FANCA: variants seen among roughly 807,000 people sequenced by gnomAD.
FANCA encodes FA complementation group A, also known as Fanconi anemia group A protein.
Under a neutral mutation model 194.3 loss-of-function variants are expected in FANCA, and 236 were observed. That is an observed-to-expected ratio of 1.21 (90% CI 1.09 to 1.35). FANCA has a LOEUF of 1.35. Ranked by LOEUF, FANCA falls within the 40% of genes most tolerant of loss-of-function variation. The probability of loss-of-function intolerance (pLI) is 0.00; values close to 1 mark genes in which losing one functional copy is unlikely to be tolerated. For synonymous variants in FANCA, 1,014 were observed against 715.8 expected, an observed-to-expected ratio of 1.42 and a Z score of -6.65; for missense variants, 2,628 against 1,813.9, an observed-to-expected ratio of 1.45 and a Z score of -8.15.
intron 8 of FANCA, among the ~76,000 whole-genome samples, chr16:89,801,451 C>A (rs2040451148): frequency 6.6e-6 from 1 of 151,048 alleles, no homozygotes. Flanking sequence ...ATCAAGAAAA[C>A]AAAAAATAAC....
At chr16:89,746,746 G>C in intron 34 of FANCA, 58 bp from the exon 35 acceptor site, 3 of 1,599,786 alleles carry the variant, frequency 1.9e-6, no homozygotes, top group South Asian at 1.1e-5. Flanking sequence ...AACTAGTAGA[G>C]TGAAGGAACT....
At position 89,740,825 on chromosome 16, in the gene FANCA, C is replaced by A. The variant is rs11649210; in HGVS notation, c.3807G>T (p.Leu1269=). ...FLFFFSLMGL[L]SSHLTSNSTT... ...TTACATTTGAGGTCAGATGTGACGA[C>A]AGCAGGCCCATCAAGGAGAAGAAGA... The change falls in exon 38 of 43, where the codon CTG becomes CTT. Residue 1269 remains leucine, a synonymous_variant. Transcript: ENST00000389301. 6.2e-7 allele frequency: 1 copy of A among 1,613,324 alleles called. No homozygotes were observed. The highest frequency in any genetic ancestry group is 1.3e-5 in the African/African-American group (1 of 74,872).
rs12599846 is a variant in FANCA, at chr16:89,752,500, C to T, written c.2982-278G>A. ...GCACCAAGGCAAGAGACAGAGGACA[C>T]GAGCTGTTCCAGTATAATAAAATAT... On this transcript the variant is annotated intron_variant, in intron 30 of 42. Transcript: ENST00000389301. 0.06 allele frequency among the ~76,000 whole-genome samples: 9,089 copies of T among 152,246 alleles called. 417 individuals are homozygous for T. Among genetic ancestry groups the T allele is most frequent in the East Asian group, 0.22 (1,124 of 5,184 alleles).
chr16:89,802,554 A>G (rs373781895), intron 8 of FANCA, among the ~76,000 whole-genome samples: 1 of 152,020 alleles, frequency 6.6e-6, no homozygotes, highest in Admixed American at 6.6e-5. Context: ...GGTGCCTGCC[A>G]CCAGGCCCGG....
intron 6 of FANCA, among the ~76,000 whole-genome samples, chr16:89,806,493 G>A (rs1296920990): frequency 6.6e-6 from 1 of 151,798 alleles, no homozygotes; most frequent in Non-Finnish European, 1.5e-5. Flanking sequence ...AGAGGACCCT[G>A]AGGCCTTCTG....
chr16:89,792,806 C>A, intron 11 of FANCA: 1 of 424,040 alleles, frequency 2.4e-6, no homozygotes, highest in Non-Finnish European at 4.5e-6. Context: ...GCAAAAGGGG[C>A]AGGGTAAAGA....
intron 13 of FANCA, 138 bp downstream of exon 13, chr16:89,791,789 T>A: frequency 8.7e-7 from 1 of 1,155,350 alleles, no homozygotes. Context: ...GAATGTTCCA[T>A]CGACAGGAGG....
intron 11 of FANCA, 56 bp from the exon 12 acceptor site, chr16:89,792,603 T>A (rs1444036242): frequency 6.6e-7 from 1 of 1,520,448 alleles, no homozygotes; most frequent in East Asian, 2.6e-5. Flanking sequence ...AGTTGTGGGT[T>A]TTTGTTAAGG....
intron 33 of FANCA, among the ~76,000 whole-genome samples, chr16:89,747,496 C>G (rs1263618753): frequency 6.6e-6 from 1 of 152,140 alleles, no homozygotes; most frequent in African/African-American, 2.4e-5. Flanking sequence ...GTCAGGAGTT[C>G]AAGACCAGAC....
At position 89,740,075 on chromosome 16, in the gene FANCA, A is replaced by G. The variant is rs1470679036; in HGVS notation, c.3853T>C (p.Phe1285Leu). 6 of 1,614,188 alleles carry G rather than the reference A, an allele frequency of 3.7e-6. No homozygotes were observed. The highest frequency in any genetic ancestry group is 5.1e-6 in the Non-Finnish European group (6 of 1,180,032). ...SNSTTDLPKA[F>L]HVCAAILECL... ...TCGAGGATTGCTGCACAAACGTGGA[A>G]AGCCTTTGGCAGGTCTGTGGTGCTC... is the stretch of plus-strand genomic sequence containing the variant. Residue 1285 changes from phenylalanine to leucine, a missense_variant, in exon 39 of 43, where the codon TTC (phenylalanine) becomes CTC (leucine). Coordinates refer to ENST00000389301, the MANE Select transcript of FANCA (RefSeq NM_000135.4).
intron 31 of FANCA, 22 bp downstream of exon 31, chr16:89,752,116 G>C: frequency 6.2e-7 from 1 of 1,605,786 alleles, no homozygotes; most frequent in South Asian, 1.1e-5. Flanking sequence ...AATGCACTGA[G>C]TTGTGGCACC....
Position 89,773,310 on chromosome 16 carries a change from C to G in FANCA, c.1975G>C (p.Glu659Gln). The part of the protein sequence containing the change: ...PLGQLTAALG[E>Q]LRASMTDPSQ... ...GGGTCTGTCATGGAGGCTCTCAGCTCTCCCAGTGCAGCTGTGAGCTGTCCC... is the reference window on the plus strand; with the variant it reads ...GGGTCTGTCATGGAGGCTCTCAGCTGTCCCAGTGCAGCTGTGAGCTGTCCC... The change falls in exon 22 of 43, where the codon GAG becomes CAG. Residue 659 changes from glutamate to glutamine, a missense_variant. Physicochemically the swap from Glu to Gln is conservative, Grantham distance 29 (BLOSUM62 2). Transcript: ENST00000389301. 6.4e-7 allele frequency: 1 copy of G among 1,551,552 alleles called. No individual in the cohort carries two copies. The highest frequency in any genetic ancestry group is 8.7e-7 in the Non-Finnish European group (1 of 1,146,986).
chr16:89,771,570 A>T, intron 23 of FANCA, 108 bp downstream of exon 23: 1 of 1,318,446 alleles, frequency 7.6e-7, no homozygotes, highest in Non-Finnish European at 1.1e-6. Flanking sequence ...ATACGACACT[A>T]ACTGAGCAAG....
At chr16:89,804,972 G>T (rs375407562) in intron 7 of FANCA, among the ~76,000 whole-genome samples, 1 of 152,204 alleles carries the variant, frequency 6.6e-6, no homozygotes, top group Non-Finnish European at 1.5e-5. Context: ...GGAGGCGGAG[G>T]TTGCAGTGAG....
intron 18 of FANCA, 100 bp downstream of exon 18, chr16:89,779,769 C>T (rs1392596176): frequency 5.0e-6 from 5 of 995,408 alleles, no homozygotes; most frequent in South Asian, 2.6e-5. Context: ...AGTCTGCACA[C>T]CCTGCAGGCA....
intron 10 of FANCA, chr16:89,798,776 T>C (rs1037370432): frequency 5.0e-6 from 7 of 1,407,620 alleles, no homozygotes; most frequent in African/African-American, 4.3e-5. Context: ...GAGGCACAGC[T>C]ACAGTGTGTT....
intron 17 of FANCA, 150 bp downstream of exon 17, chr16:89,782,709 C>T (rs770738529): frequency 7.2e-6 from 5 of 693,862 alleles, no homozygotes; most frequent in South Asian, 3.1e-5. Context: ...AACACAGAGG[C>T]CCGCAGAGCC....
In FANCA at chr16:89,744,858, C is replaced by A; in HGVS notation, c.3626+101G>T. On this transcript the variant is annotated intron_variant, in intron 36 of 42. Transcript: ENST00000389301. Reference sequence around the variant, plus strand: ...CCCTGCTCACACGAGAGGCTGCCCACACCGCTTCTCTCAAGCAAGCCAGGG... The same window carrying A: ...CCCTGCTCACACGAGAGGCTGCCCAAACCGCTTCTCTCAAGCAAGCCAGGG... 7 of 1,086,322 alleles carry A rather than the reference C, an allele frequency of 6.4e-6. No individual in the cohort carries two copies. In the South Asian group the frequency reaches 8.0e-5, roughly 12 times the overall value. The allele number at this position is 1,086,322 out of a possible 1,614,324, so 67.3% of individuals were successfully genotyped here. A position where few individuals can be genotyped will look rare whatever the true frequency, so the allele number is the denominator to read the frequency against.
intron 17 of FANCA, among the ~76,000 whole-genome samples, chr16:89,781,644 C>G (rs540318412): frequency 2.2e-4 from 33 of 150,034 alleles, no homozygotes; most frequent in Middle Eastern, 3.5e-3. Context: ...CCACTGCACT[C>G]CAGCCAGGGC....
Sources: gnomAD v4.1 joint callset for allele counts (sites outside exome capture counted in the v4.1 genomes callset) on GRCh38, gnomAD v4.1.1 for gene constraint, MANE v1.5 for transcripts, NCBI Gene and HGNC (gene_info 2026-07-23, HGNC 2026-07-21) for gene names.